MPO: variants seen among roughly 807,000 people sequenced by gnomAD.
MPO encodes the protein myeloperoxidase.
A neutral mutation model predicts 69.4 loss-of-function variants in MPO; 57 were observed. That is an observed-to-expected ratio of 0.82 (90% CI 0.66 to 1.02). MPO has a LOEUF of 1.02. Among genes scored for constraint, MPO ranks in the 50% least tolerant of loss-of-function variants. The pLI is 0.00. For missense variants in MPO, 971 were observed against 1,014.1 expected (o/e 0.96, Z 0.58); for synonymous variants, 426 against 417.1 (o/e 1.02, Z -0.26).
chr17:58,280,251 T>A, intron 2 of MPO, 115 bp downstream of exon 2: 1 of 1,110,820 alleles, frequency 9.0e-7, no homozygotes, highest in Non-Finnish European at 1.4e-6. Context: ...AGAAAGGGAG[T>A]CCACATGGGT....
chr17:58,277,939 G>T lies in MPO; in HGVS notation c.1092C>A (p.Ala364=), dbSNP rs759133472. The change falls in exon 7 of 12, where the codon GCC becomes GCA. Residue 364 remains alanine (A), a synonymous_variant. Transcript: ENST00000225275. ...RNMSNQLGLL[A]VNQRFQDNGR... ...CGTTGTCTTGGAAGCGCTGGTTGAC[G>T]GCCAGCAGCCCCAGCTGGTTGGACA... The T allele has an allele frequency of 6.2e-7, 1 of 1,613,112 alleles. No individual in the cohort carries two copies. The highest frequency in any genetic ancestry group is 8.5e-7 in the Non-Finnish European group (1 of 1,180,026).
intron 8 of MPO, among the ~76,000 whole-genome samples, chr17:58,274,943 C>T (rs1174441822): frequency 1.3e-5 from 2 of 152,086 alleles, no homozygotes; most frequent in East Asian, 1.9e-4. Flanking sequence ...CAGCTCACTG[C>T]AAGCTCTGCC....
chr17:58,270,721 G>A lies in MPO; in HGVS notation c.2173C>T (p.Arg725Trp), dbSNP rs763313821. ...NNIFMSNSYP[R>W]DFVNCSTLPA... ...AGTGTACTGCAGTTGACAAAGTCCC[G>A]GGGATATGAGTTGGACATGAAGATG... Residue 725 changes from arginine to tryptophan, a missense_variant, in exon 12 of 12, where the codon CGG becomes TGG. Physicochemically the swap from Arg to Trp is moderately radical, Grantham distance 101. Coordinates refer to ENST00000225275, the MANE Select transcript of MPO (RefSeq NM_000250.2). This position sits in a 1 kb window ranked among gnomAD's most constrained non-coding sequence, Gnocchi z 4.1. 3.2e-5 allele frequency: 51 copies of A among 1,614,006 alleles called. 1 individual carries two copies. The South Asian group carries it at 3.8e-4, about 12-fold the overall frequency.
At chr17:58,277,356 A>G (rs1452280348) in intron 7 of MPO, among the ~76,000 whole-genome samples, 1 of 152,220 alleles carries the variant, frequency 6.6e-6, no homozygotes, top group African/African-American at 2.4e-5. Context: ...AGCATTTGAA[A>G]TGTGGTTAGC....
Position 58,278,258 on chromosome 17 carries a change from C to T in MPO, c.886-113G>A, listed in dbSNP as rs1002269442. On this transcript the variant is annotated intron_variant, in intron 6 of 11. Transcript: ENST00000225275. ...CTGGTACCCTCAACCTGCAGAGAGG[C>T]CTCCGGAGGCCCGAAAGGGATCGCT... The T allele has an allele frequency of 4.1e-6, 5 of 1,231,270 alleles. No individual in the cohort carries two copies. The African/African-American group carries it at 7.5e-5, about 18-fold the overall frequency. The allele number at this position is 1,231,270 out of a possible 1,614,324, so 76.3% of individuals were successfully genotyped here.
Position 58,277,903 on chromosome 17 carries a change from C to T in MPO, c.1128G>A (p.Leu376=), listed in dbSNP as rs375831950. The change falls in exon 7 of 12, where the codon CTG becomes CTA. Residue 376 remains leucine, a synonymous_variant. Coordinates refer to ENST00000225275, the MANE Select transcript of MPO (RefSeq NM_000250.2). ...CATCGTGCAGGTTGTCAAAGGGCAG[C>T]AGGGCCCGGCCGTTGTCTTGGAAGC... ...NQRFQDNGRA[L]LPFDNLHDDP... is the part of the protein sequence containing the mutation. 1.9e-6 allele frequency: 3 copies of T among 1,611,368 alleles called. No homozygotes were observed. The highest frequency in any genetic ancestry group is 1.6e-4 in the Middle Eastern group (1 of 6,078).
rs1263815272 is a variant in MPO at position 58,279,632 on chromosome 17, C to A, written c.439G>T (p.Ala147Ser). Residue 147 changes from alanine to serine, a missense_variant, in exon 4 of 12, where the codon GCC becomes TCC. Transcript: ENST00000225275. ...PFNVTDVLTP[A>S]QLNVLSKSSG... ...GACTTGGACAACACATTCAGCTGGG[C>A]GGGCGTCAGCACATCTGCCGGGGGA... 6.2e-7 allele frequency: 1 copy of A among 1,614,068 alleles called. No homozygotes were observed. The highest frequency in any genetic ancestry group is 2.2e-5 in the East Asian group (1 of 44,878).
rs1479079776 is a variant in MPO, at chr17:58,280,024, G to C, written c.249-10C>G. The C allele has an allele frequency of 1.2e-6, 2 of 1,612,088 alleles. No individual in the cohort carries two copies. Among genetic ancestry groups the C allele is most frequent in the East Asian group, 2.2e-5 (1 of 44,874 alleles). ...AAGCCGCTGCTTGATGCTGCTTGGA[G>C]AAAGGAGGAGTGAGGGCCAGAGAAG... On this transcript the variant is annotated splice_polypyrimidine_tract_variant and intron_variant, in intron 2 of 11. Transcript: ENST00000225275.
At chr17:58,278,786 G>A (rs1970472596) in intron 6 of MPO, 2 of 622,520 alleles carry the variant, frequency 3.2e-6, no homozygotes, top group South Asian at 3.8e-5. Context: ...TGGCCTGCCA[G>A]AGGCAGTGAG....
intron 6 of MPO, 122 bp from the exon 7 acceptor site, chr17:58,278,267 G>T: frequency 1.8e-6 from 2 of 1,127,492 alleles, no homozygotes; most frequent in Non-Finnish European, 2.5e-6. Flanking sequence ...GCCTCCGGAG[G>T]CCCGAAAGGG....
Position 58,279,606 on chromosome 17 carries a change from T to G in MPO, c.465A>C (p.Ser155=). The G allele has an allele frequency of 6.2e-7, 1 of 1,614,106 alleles. No homozygotes were observed. Among genetic ancestry groups the G allele is most frequent in the Non-Finnish European group, 8.5e-7 (1 of 1,180,024 alleles). The change falls in exon 4 of 12, where the codon TCA becomes TCC. Residue 155 remains serine, a synonymous_variant. Coordinates refer to ENST00000225275, the MANE Select transcript of MPO (RefSeq NM_000250.2). ...TPAQLNVLSK[S]SGCAYQDVGV... is the part of the protein sequence containing the mutation. ...CCACGTCCTGGTAGGCGCAGCCGCT[T>G]GACTTGGACAACACATTCAGCTGGG...
At chr17:58,280,192 G>T in intron 2 of MPO, 174 bp downstream of exon 2, 1 of 1,030,436 alleles carries the variant, frequency 9.7e-7, no homozygotes. Flanking sequence ...CTTTGGGAAG[G>T]ATGGCTTTTA....
chr17:58,279,966 T>C lies in MPO; in HGVS notation c.297A>G (p.Leu99=), dbSNP rs892691324. 5 of 1,613,310 alleles carry C rather than the reference T, an allele frequency of 3.1e-6. No individual in the cohort carries two copies. Among genetic ancestry groups the C allele is most frequent in the Non-Finnish European group, 4.2e-6 (5 of 1,179,970 alleles). Residue 99 remains leucine (L), a synonymous_variant, in exon 3 of 12, where the codon CTA becomes CTG. Transcript: ENST00000225275. ...RSGSASPMEL[L]SYFKQPVAAT... is the part of the protein sequence containing the mutation. Reference sequence around the variant, plus strand: ...CTGCCACCGGCTGCTTGAAGTAGGATAGGAGTTCCATGGGGCTGGCTGAGC... The same window carrying C: ...CTGCCACCGGCTGCTTGAAGTAGGACAGGAGTTCCATGGGGCTGGCTGAGC...
chr17:58,274,349 TGTGTG>T, intron 8 of MPO: 1 of 24,200 alleles, frequency 4.1e-5, no homozygotes, highest in East Asian at 2.0e-3. Context: ...AATCTAGGAG[TGTGTG>T]TGTGTGTGTG....
chr17:58,273,545 GCATTGGTGAAGA>G lies in MPO; in HGVS notation c.1478_1489del (p.Val493_Asn496del). The G allele has an allele frequency of 6.2e-7, 1 of 1,614,256 alleles. No individual in the cohort carries two copies. The highest frequency in any genetic ancestry group is 8.5e-7 in the Non-Finnish European group (1 of 1,180,048). On this transcript the variant is annotated inframe_deletion, in exon 9 of 12. Coordinates refer to ENST00000225275, the MANE Select transcript of MPO (RefSeq NM_000250.2). ...GATGAGGGTGTGGCCGTAGCGGAAG[GCATTGGTGAAGA>G]CGTTGGCGATGCGTGGGTCCACTGA...
Position 58,280,872 on chromosome 17 carries a change from C to A in MPO, c.-114G>T. On this transcript the variant is annotated 5_prime_UTR_variant, in exon 1 of 12. Coordinates refer to ENST00000225275, the MANE Select transcript of MPO (RefSeq NM_000250.2). Reference sequence around the variant, plus strand: ...GGGAGGGGCTCACTGCTCTCTTATCCCCTTGCCAGCTGCTGTCATCCAGCT... The same window carrying A: ...GGGAGGGGCTCACTGCTCTCTTATCACCTTGCCAGCTGCTGTCATCCAGCT... 1 of 1,272,776 alleles carries A rather than the reference C, an allele frequency of 7.9e-7. No homozygotes were observed. The highest frequency in any genetic ancestry group is 1.1e-6 in the Non-Finnish European group (1 of 913,556). The allele number at this position is 1,272,776 out of a possible 1,614,324, so 78.8% of individuals were successfully genotyped here.
chr17:58,277,601 C>A (rs1828720105), intron 7 of MPO, among the ~76,000 whole-genome samples: 1 of 152,186 alleles, frequency 6.6e-6, no homozygotes, highest in Non-Finnish European at 1.5e-5. Context: ...CTCAGCCATG[C>A]CTGGGTCTCC....
At chr17:58,280,112 G>A (rs2143982889) in intron 2 of MPO, 98 bp from the exon 3 acceptor site, 3 of 1,501,320 alleles carry the variant, frequency 2.0e-6, no homozygotes, top group East Asian at 2.3e-5. Context: ...ATGCAGGCAG[G>A]CCCACGGGTG....
In MPO at chr17:58,280,417, A is replaced by G. The variant is rs1255395864; in HGVS notation, c.197T>C (p.Met66Thr). 3 of 1,613,920 alleles carry G rather than the reference A, an allele frequency of 1.9e-6. No homozygotes were observed. The highest frequency in any genetic ancestry group is 2.2e-5 in the East Asian group (1 of 44,834). ...GTCCACCAGCTGCTTGGCCTCCTCC[A>G]TGGAGCTCAGCACCAACGAGGTGTC... ...EVDTSLVLSS[M>T]EEAKQLVDKA... The change falls in exon 2 of 12, where the codon ATG (methionine) becomes ACG (threonine). Residue 66 changes from methionine to threonine, a missense_variant. Coordinates refer to ENST00000225275, the MANE Select transcript of MPO (RefSeq NM_000250.2).
Sources: allele counts gnomAD v4.1 joint callset (sites outside exome capture counted in the v4.1 genomes callset), GRCh38; gene constraint gnomAD v4.1.1; non-coding constraint Gnocchi (gnomAD v3.1); transcripts MANE v1.5; gene names NCBI Gene and HGNC (gene_info 2026-07-23, HGNC 2026-07-21).